Variants in IQCM observed in about 807,000 individuals in gnomAD.
The protein encoded by IQCM is IQ motif containing M.
A neutral mutation model predicts 57.6 loss-of-function variants in IQCM; 45 were observed. That is an observed-to-expected ratio of 0.78 (90% CI 0.62 to 1.00). The LOEUF (loss-of-function observed/expected upper bound fraction) is 1.00, where lower values mean the gene tolerates loss of function less well. Ranked by LOEUF, IQCM falls within the 50% of genes least tolerant of loss-of-function variation. The probability of loss-of-function intolerance (pLI) is 0.00; values close to 1 mark genes in which losing one functional copy is unlikely to be tolerated. For missense variants in IQCM, 468 were observed against 511.6 expected (o/e 0.91, Z 0.82); for synonymous variants, 148 against 158.9 (o/e 0.93, Z 0.51).
intron 11 of IQCM, among the ~76,000 whole-genome samples, chr4:149,550,134 G>A (rs1748884049): frequency 6.6e-6 from 1 of 152,084 alleles, no homozygotes; most frequent in South Asian, 2.1e-4. Flanking sequence ...ACCCATCTAT[G>A]CACCAAGCAG....
Position 149,621,207 on chromosome 4 carries a change from T to C in IQCM, c.603A>G (p.Thr201=). 1 of 1,231,924 alleles carries C rather than the reference T, an allele frequency of 8.1e-7. No homozygotes were observed. Among genetic ancestry groups the C allele is most frequent in the Non-Finnish European group, 1.0e-6 (1 of 987,754 alleles). The allele number at this position is 1,231,924 out of a possible 1,614,324, so 76.3% of individuals were successfully genotyped here. ...AGTCACAAGCCAAACGGAAAGACCT[T>C]GTCAGCACAAATCCTCTCCAGTCAT... ...AFYDWRGFVL[T]RSFRLACDSR... The change falls in exon 8 of 14, where the codon ACA becomes ACG. Residue 201 remains threonine (T), a synonymous_variant. Transcript: ENST00000636793.
intron 7 of IQCM, among the ~76,000 whole-genome samples, chr4:149,674,891 C>G (rs982395365): frequency 2.6e-5 from 4 of 151,982 alleles, no homozygotes; most frequent in Non-Finnish European, 5.9e-5. Flanking sequence ...AACTTGATAT[C>G]TGGGCCTACT....
At chr4:149,362,120 C>G (rs1334265698) in intron 13 of IQCM, among the ~76,000 whole-genome samples, 1 of 152,112 alleles carries the variant, frequency 6.6e-6, no homozygotes, top group Admixed American at 6.6e-5. Context: ...CCTGTTACTC[C>G]TTTGTTTTGG....
At chr4:149,356,729 C>A (rs1027232435) in intron 13 of IQCM, among the ~76,000 whole-genome samples, 1 of 152,102 alleles carries the variant, frequency 6.6e-6, no homozygotes, top group Non-Finnish European at 1.5e-5. Context: ...GTAATGCGGG[C>A]TCTTTTTTGG....
intron 12 of IQCM, among the ~76,000 whole-genome samples, chr4:149,507,041 T>C (rs1743892814): frequency 6.6e-6 from 1 of 152,174 alleles, no homozygotes; most frequent in South Asian, 2.1e-4. Context: ...TCATGAGATC[T>C]GATGGTTTTA....
chr4:149,471,781 G>A (rs898582315), intron 12 of IQCM, among the ~76,000 whole-genome samples: 4 of 152,152 alleles, frequency 2.6e-5, no homozygotes, highest in African/African-American at 9.7e-5. Context: ...CCACGATCAA[G>A]TTGGCTTCAT....
chr4:149,439,515 G>A (rs111364718), intron 12 of IQCM, among the ~76,000 whole-genome samples: 31 of 152,038 alleles, frequency 2.0e-4, no homozygotes, highest in African/African-American at 7.0e-4. Flanking sequence ...AGAATTATAA[G>A]GATTCCTTAG....
intron 7 of IQCM, among the ~76,000 whole-genome samples, chr4:149,677,529 A>G (rs1761852481): frequency 6.6e-6 from 1 of 152,084 alleles, no homozygotes; most frequent in South Asian, 2.1e-4. Context: ...AATATATCCA[A>G]TAAAAAAATA....
At chr4:149,384,031 T>C (rs1288818931) in intron 13 of IQCM, among the ~76,000 whole-genome samples, 3 of 152,140 alleles carry the variant, frequency 2.0e-5, no homozygotes, top group Non-Finnish European at 4.4e-5. Flanking sequence ...AATGTGAAAA[T>C]CATGTAGGAC....
intron 13 of IQCM, among the ~76,000 whole-genome samples, chr4:149,396,633 T>C (rs1179006945): frequency 6.6e-6 from 1 of 152,018 alleles, no homozygotes; most frequent in Non-Finnish European, 1.5e-5. Context: ...ATGTTGTTAT[T>C]GACTATAGGT....
intron 7 of IQCM, among the ~76,000 whole-genome samples, chr4:149,672,296 G>T (rs1324050399): frequency 1.3e-5 from 2 of 152,178 alleles, no homozygotes; most frequent in East Asian, 3.9e-4. Context: ...GTGAGAAGAA[G>T]GCTTCAGACG....
At chr4:149,644,753 G>T (rs990806965) in intron 7 of IQCM, among the ~76,000 whole-genome samples, 4 of 152,158 alleles carry the variant, frequency 2.6e-5, no homozygotes, top group African/African-American at 9.7e-5. Context: ...AAATGCAGAT[G>T]CTCAGGCCTC....
At chr4:149,599,706 T>G (rs1754096738) in intron 8 of IQCM, among the ~76,000 whole-genome samples, 1 of 152,200 alleles carries the variant, frequency 6.6e-6, no homozygotes, top group Non-Finnish European at 1.5e-5. Context: ...TATAAGGTTA[T>G]GTGGATCCAA....
At chr4:149,564,705 C>T (rs1750445135) in intron 9 of IQCM, among the ~76,000 whole-genome samples, 1 of 152,122 alleles carries the variant, frequency 6.6e-6, no homozygotes, top group Non-Finnish European at 1.5e-5. Flanking sequence ...ACATCAGACT[C>T]CAGGTCCTTC....
intron 7 of IQCM, among the ~76,000 whole-genome samples, chr4:149,680,132 C>A (rs924255042): frequency 4.6e-5 from 7 of 151,120 alleles, no homozygotes; most frequent in Non-Finnish European, 1.0e-4. Context: ...CAGTGAAAAT[C>A]CCTATTCTTA....
intron 12 of IQCM, among the ~76,000 whole-genome samples, chr4:149,456,055 TA>T (rs551961193): frequency 6.6e-6 from 1 of 151,586 alleles, no homozygotes; most frequent in Non-Finnish European, 1.5e-5. Context: ...AGATCCCTAT[TA>T]AAAAAAAGAG....
intron 12 of IQCM, among the ~76,000 whole-genome samples, chr4:149,532,699 A>G (rs1454447066): frequency 6.6e-6 from 1 of 152,104 alleles, no homozygotes; most frequent in Non-Finnish European, 1.5e-5. Flanking sequence ...GTGGCCTTCA[A>G]TCTGCTGTGG....
chr4:149,544,256 C>A (rs1003407051), intron 12 of IQCM, among the ~76,000 whole-genome samples: 4 of 152,048 alleles, frequency 2.6e-5, no homozygotes, highest in Non-Finnish European at 5.9e-5. Flanking sequence ...AGTTGCATTT[C>A]TCTACATTAA....
chr4:149,569,623 T>G (rs1750969195), intron 9 of IQCM, among the ~76,000 whole-genome samples: 2 of 152,138 alleles, frequency 1.3e-5, no homozygotes, highest in African/African-American at 2.4e-5. Context: ...GAAAGAAACA[T>G]CAAAAGAATG....
Sources: gnomAD v4.1 joint callset for allele counts (sites outside exome capture counted in the v4.1 genomes callset) on GRCh38, gnomAD v4.1.1 for gene constraint, MANE v1.5 for transcripts, NCBI Gene and HGNC (gene_info 2026-07-23, HGNC 2026-07-21) for gene names.